The following VAV3 variants were observed in gnomAD, a reference collection of about 807,000 sequenced individuals.
The protein encoded by VAV3 is guanine nucleotide exchange factor VAV3.
In VAV3, 94 loss-of-function variants were observed where a neutral mutation model predicts 131.2. The ratio of observed to expected loss-of-function variants is 0.72; its 90% CI spans 0.61 to 0.85. The LOEUF (loss-of-function observed/expected upper bound fraction) is 0.85, where lower values mean the gene tolerates loss of function less well. VAV3 is among the 40% of genes least tolerant of loss of function. The pLI is 0.00. For missense variants in VAV3, 939 were observed against 1,002.7 expected, an observed-to-expected ratio of 0.94 and a Z score of 0.86; for synonymous variants, 349 against 342.0, an observed-to-expected ratio of 1.02 and a Z score of -0.22.
chr1:107,899,180 G>A (rs1237880229), intron 1 of VAV3, among the ~76,000 whole-genome samples: 1 of 152,118 alleles, frequency 6.6e-6, no homozygotes, highest in Non-Finnish European at 1.5e-5. Flanking sequence ...TCACAATGCA[G>A]TTATTATTTC....
rs1324216015 is a variant in VAV3 at position 107,964,720 on chromosome 1, G to C, written c.150C>G (p.Leu50=). 1.2e-5 allele frequency: 19 copies of C among 1,614,010 alleles called. No homozygotes were observed. The highest frequency in any genetic ancestry group is 1.5e-5 in the Non-Finnish European group (18 of 1,180,014). ...GVLLCQLLNN[L]RAHSINLKEI... is the part of the protein sequence containing the mutation. ...CCTTCAGGTTGATGGAGTGCGCCCG[G>C]AGGTTGTTAAGCAGCTGGCAGAGCA... The change falls in exon 1 of 27, where the codon CTC becomes CTG. Residue 50 remains leucine, a synonymous_variant. Transcript: ENST00000370056.
intron 25 of VAV3, among the ~76,000 whole-genome samples, chr1:107,586,012 C>A (rs1230092959): frequency 6.6e-6 from 1 of 152,122 alleles, no homozygotes; most frequent in Non-Finnish European, 1.5e-5. Context: ...AGTGATGAAC[C>A]AGCTTTCTGC....
chr1:107,595,507 A>G (rs1400114082), intron 25 of VAV3, among the ~76,000 whole-genome samples: 1 of 152,212 alleles, frequency 6.6e-6, no homozygotes, highest in Non-Finnish European at 1.5e-5. Flanking sequence ...AAATAAAGTG[A>G]TATCAGATTA....
chr1:107,831,263 A>G (rs1031494742), intron 2 of VAV3, among the ~76,000 whole-genome samples: 5 of 152,210 alleles, frequency 3.3e-5, no homozygotes, highest in Admixed American at 1.3e-4. Flanking sequence ...CTTTAAAATA[A>G]TATATGACAT....
chr1:107,697,498 A>G (rs1057492202), intron 17 of VAV3, among the ~76,000 whole-genome samples: 1 of 152,216 alleles, frequency 6.6e-6, no homozygotes, highest in Non-Finnish European at 1.5e-5. Context: ...TCCAAAAAGC[A>G]AATTTAGCCA....
At chr1:107,797,925 G>C (rs373218825) in intron 2 of VAV3, among the ~76,000 whole-genome samples, 23 of 152,312 alleles carry the variant, frequency 1.5e-4, no homozygotes, top group Middle Eastern at 3.4e-3. Flanking sequence ...CTTCTAGCAA[G>C]TTCTCAGAAG....
chr1:107,677,778 C>T (rs897731280), intron 19 of VAV3: 2 of 152,154 alleles, frequency 1.3e-5, no homozygotes, highest in African/African-American at 4.8e-5. Flanking sequence ...TATTTTCCAT[C>T]TAAAAGCACC....
intron 2 of VAV3, among the ~76,000 whole-genome samples, chr1:107,867,006 A>G (rs2100999043): frequency 6.6e-6 from 1 of 152,208 alleles, no homozygotes; most frequent in African/African-American, 2.4e-5. Context: ...ATATCTAAAT[A>G]CCTAATATCA....
At chr1:107,785,064 G>A (rs1665905867) in intron 2 of VAV3, among the ~76,000 whole-genome samples, 1 of 152,060 alleles carries the variant, frequency 6.6e-6, no homozygotes, top group African/African-American at 2.4e-5. Flanking sequence ...AACAGCTTTT[G>A]AAAACAGACT....
intron 1 of VAV3, among the ~76,000 whole-genome samples, chr1:107,908,929 G>A (rs1328754931): frequency 6.7e-6 from 1 of 149,398 alleles, no homozygotes; most frequent in Non-Finnish European, 1.5e-5. Context: ...CTCTACCTCA[G>A]CAAAATAACA....
At chr1:107,941,574 A>G (rs936457019) in intron 1 of VAV3, among the ~76,000 whole-genome samples, 2 of 152,128 alleles carry the variant, frequency 1.3e-5, no homozygotes, top group Admixed American at 1.3e-4. Flanking sequence ...GTTTCTGTAC[A>G]TTTTAATGAC....
chr1:107,916,638 C>A (rs7548905), intron 1 of VAV3, among the ~76,000 whole-genome samples: 30,569 of 152,046 alleles, frequency 0.2, 4,292 homozygotes, highest in African/African-American at 0.4. Flanking sequence ...GATGTCACAA[C>A]ACATGATTCC....
At chr1:107,750,494 C>T (rs748452026) in intron 13 of VAV3, among the ~76,000 whole-genome samples, 17 of 152,096 alleles carry the variant, frequency 1.1e-4, no homozygotes, top group Non-Finnish European at 2.1e-4. Flanking sequence ...TCACTTTTAA[C>T]GTCTATTTCT....
intron 4 of VAV3, among the ~76,000 whole-genome samples, chr1:107,773,832 GC>G (rs772269540): frequency 6.6e-6 from 1 of 152,144 alleles, no homozygotes; most frequent in Non-Finnish European, 1.5e-5. Flanking sequence ...TCATGAAGGA[GC>G]TGAGATATAA....
At chr1:107,784,377 T>C (rs1557845193) in intron 2 of VAV3, among the ~76,000 whole-genome samples, 1 of 152,188 alleles carries the variant, frequency 6.6e-6, no homozygotes, top group Non-Finnish European at 1.5e-5. Context: ...ACAGCAATGA[T>C]TTAGCCATTC....
chr1:107,719,841 A>G (rs554804503), intron 15 of VAV3, among the ~76,000 whole-genome samples: 22 of 152,370 alleles, frequency 1.4e-4, no homozygotes, highest in African/African-American at 5.3e-4. Flanking sequence ...TGGATTAAGA[A>G]AATGTGGCAC....
chr1:107,892,092 A>C (rs1036411919), intron 1 of VAV3, among the ~76,000 whole-genome samples: 11 of 152,158 alleles, frequency 7.2e-5, no homozygotes, highest in Admixed American at 3.3e-4. Flanking sequence ...ATTATAAATC[A>C]TGAAATACAA....
At chr1:107,657,930 T>C (rs569941523) in intron 19 of VAV3, among the ~76,000 whole-genome samples, 5 of 152,352 alleles carry the variant, frequency 3.3e-5, no homozygotes, top group African/African-American at 1.2e-4. Flanking sequence ...AGTACAGCCA[T>C]ACGAGAGGAA....
chr1:107,754,194 A>T (rs1215510344), intron 12 of VAV3, among the ~76,000 whole-genome samples: 1 of 152,224 alleles, frequency 6.6e-6, no homozygotes, highest in Admixed American at 6.5e-5. Flanking sequence ...ATGCCAAGGA[A>T]TATTGACTGA....
Sources: allele counts gnomAD v4.1 joint callset (sites outside exome capture counted in the v4.1 genomes callset), GRCh38; gene constraint gnomAD v4.1.1; transcripts MANE v1.5; gene names NCBI Gene and HGNC (gene_info 2026-07-23, HGNC 2026-07-21).